KLF8: variants seen among roughly 807,000 people sequenced by gnomAD.
The protein encoded by KLF8 is KLF transcription factor 8, also known as Krueppel-like factor 8.
Under a neutral mutation model 18.2 loss-of-function variants are expected in KLF8, and 10 were observed. The ratio of observed to expected loss-of-function variants is 0.55; its 90% CI spans 0.34 to 0.93. The LOEUF is 0.93. Ranked by LOEUF, KLF8 falls within the 40% of genes least tolerant of loss-of-function variation. The pLI, the probability that KLF8 is intolerant of heterozygous loss-of-function variation, is 0.02. For missense variants in KLF8, 264 were observed against 277.9 expected (o/e 0.95, Z 0.36); for synonymous variants, 109 against 97.3 (o/e 1.12, Z -0.71).
chrX:56,096,396 A>G, the KLF8 span, among the ~76,000 whole-genome samples: 1 of 111,526 alleles, frequency 9.0e-6, no homozygotes, highest in Admixed American at 9.6e-5. Flanking sequence ...CCACTATGCA[A>G]TATATGCATG....
At chrX:56,019,310 A>G in the KLF8 span, among the ~76,000 whole-genome samples, 1 of 112,585 alleles carries the variant, frequency 8.9e-6, no homozygotes, top group Non-Finnish European at 1.9e-5. Context: ...GCCACTCTTT[A>G]GACTTCTCTT....
chrX:56,012,847 A>C, the KLF8 span, among the ~76,000 whole-genome samples: 1 of 111,962 alleles, frequency 8.9e-6, no homozygotes, highest in Middle Eastern at 4.6e-3. Flanking sequence ...TCACAGAATT[A>C]GAAAAAAAAA....
the KLF8 span, among the ~76,000 whole-genome samples, chrX:56,186,370 A>C: frequency 8.9e-6 from 1 of 112,104 alleles, no homozygotes; most frequent in East Asian, 2.8e-4. Context: ...ACCTAGATTC[A>C]TAAAGCAAGT....
chrX:56,237,491 T>C (rs1329964945), intron 1 of KLF8, among the ~76,000 whole-genome samples: 1 of 110,625 alleles, frequency 9.0e-6, no homozygotes, highest in Non-Finnish European at 1.9e-5. Flanking sequence ...TGCATATTGT[T>C]CTCTACAACT....
chrX:56,121,185 CAAAA>C, the KLF8 span, among the ~76,000 whole-genome samples: 2 of 40,860 alleles, frequency 4.9e-5, no homozygotes, highest in Non-Finnish European at 5.2e-5. Flanking sequence ...GACTCCGTCT[CAAAA>C]AAAAAAAAAA....
intron 5 of KLF8, 101 bp downstream of exon 5, chrX:56,270,422 G>T: frequency 1.1e-6 from 1 of 935,662 alleles, no homozygotes; most frequent in Admixed American, 4.5e-5. Flanking sequence ...GAGAGAGAGA[G>T]GGGCAGAGAG....
chrX:55,988,162 T>G, the KLF8 span, among the ~76,000 whole-genome samples: 10 of 112,121 alleles, frequency 8.9e-5, no homozygotes, highest in Non-Finnish European at 1.9e-4. Flanking sequence ...GCCTGTTTAC[T>G]CTGATGGTAG....
chrX:56,135,952 C>G, the KLF8 span, among the ~76,000 whole-genome samples: 1 of 111,209 alleles, frequency 9.0e-6, no homozygotes, highest in Non-Finnish European at 1.9e-5. Context: ...CATAGGAGAA[C>G]TAGAAAAACA....
chrX:56,013,984 T>C, the KLF8 span, among the ~76,000 whole-genome samples: 1 of 111,069 alleles, frequency 9.0e-6, no homozygotes, highest in East Asian at 2.8e-4. Flanking sequence ...AATAACTAAC[T>C]CAAAATGGAT....
Position 56,284,688 on chromosome X carries a change from C to A in KLF8, c.*194C>A, listed in dbSNP as rs2067249163. On this transcript the variant is annotated 3_prime_UTR_variant, in exon 6 of 6. Transcript: ENST00000468660. ...TTCATATTCTACCTTCACTTCTCCA[C>A]TGTCCAGACCCGTTTTTTTCAACCT... The A allele has an allele frequency of 3.3e-6, 1 of 304,267 alleles. No homozygotes were observed. 25.1% of individuals were successfully genotyped at this position (304,267 alleles called of 1,213,427 possible). A position where few individuals can be genotyped will look rare whatever the true frequency, so the allele number is the denominator to read the frequency against.
At chrX:56,263,206 C>A (rs994564030) in intron 2 of KLF8, among the ~76,000 whole-genome samples, 1 of 111,302 alleles carries the variant, frequency 9.0e-6, no homozygotes, top group African/African-American at 3.3e-5. Flanking sequence ...TCTACTCCCC[C>A]CTTATCTGGA....
the KLF8 span, among the ~76,000 whole-genome samples, chrX:56,205,596 A>C: frequency 8.9e-6 from 1 of 112,327 alleles, no homozygotes; most frequent in Non-Finnish European, 1.9e-5. Flanking sequence ...ATCAATATTC[A>C]TTAGAGATAT....
the KLF8 span, among the ~76,000 whole-genome samples, chrX:56,023,610 C>G: frequency 4.5e-5 from 5 of 110,395 alleles, no homozygotes; most frequent in African/African-American, 1.7e-4. Context: ...AACTGAACCC[C>G]CAAATACAAA....
the KLF8 span, among the ~76,000 whole-genome samples, chrX:56,207,857 A>G: frequency 9.0e-6 from 1 of 110,549 alleles, no homozygotes; most frequent in African/African-American, 3.3e-5. Flanking sequence ...TGCTGCTTAC[A>G]AAGACATACC....
chrX:56,028,561 G>T, the KLF8 span, among the ~76,000 whole-genome samples: 3 of 111,557 alleles, frequency 2.7e-5, no homozygotes, highest in South Asian at 3.8e-4. Flanking sequence ...CCCGACTGCT[G>T]TGGAGTGTCC....
At chrX:56,253,062 G>T (rs1407696826) in intron 2 of KLF8, among the ~76,000 whole-genome samples, 1 of 112,171 alleles carries the variant, frequency 8.9e-6, no homozygotes, top group Non-Finnish European at 1.9e-5. Flanking sequence ...TGAATTATTA[G>T]ACTTTTTTCT....
chrX:56,036,065 G>A, the KLF8 span, among the ~76,000 whole-genome samples: 2 of 110,974 alleles, frequency 1.8e-5, no homozygotes, highest in African/African-American at 6.5e-5. Flanking sequence ...TTGACTATAC[G>A]GGCTTTTTAA....
the KLF8 span, among the ~76,000 whole-genome samples, chrX:56,221,429 T>G: frequency 1.5e-4 from 17 of 112,246 alleles, no homozygotes; most frequent in African/African-American, 5.5e-4. Context: ...ATCCATGTCA[T>G]GTCCTATTGT....
At chrX:56,092,394 A>C in the KLF8 span, among the ~76,000 whole-genome samples, 1 of 111,345 alleles carries the variant, frequency 9.0e-6, no homozygotes, top group African/African-American at 3.3e-5. Flanking sequence ...TGTCCAGGAC[A>C]GTTTTCTTTA....
Sources: allele counts gnomAD v4.1 joint callset (sites outside exome capture counted in the v4.1 genomes callset), GRCh38; gene constraint gnomAD v4.1.1; transcripts MANE v1.5; gene names NCBI Gene and HGNC (gene_info 2026-07-23, HGNC 2026-07-21).